BEND6: variants seen among roughly 807,000 people sequenced by gnomAD.
The protein encoded by BEND6 is BEN domain containing 6, also known as BEN domain-containing protein 6.
Under a neutral mutation model 31.8 loss-of-function variants are expected in BEND6, and 24 were observed. The ratio of observed to expected loss-of-function variants is 0.75; its 90% CI spans 0.55 to 1.06. The LOEUF (loss-of-function observed/expected upper bound fraction) is 1.06, where lower values mean the gene tolerates loss of function less well. Ranked by LOEUF, BEND6 falls within the 50% of genes least tolerant of loss-of-function variation. The pLI is 0.00. For missense variants in BEND6, 294 were observed against 327.4 expected (o/e 0.90, Z 0.79); for synonymous variants, 109 against 114.6 (o/e 0.95, Z 0.31).
At chr6:56,997,365 C>G (rs1826759619) in intron 3 of BEND6, among the ~76,000 whole-genome samples, 1 of 152,048 alleles carries the variant, frequency 6.6e-6, no homozygotes, top group African/African-American at 2.4e-5. Context: ...TCCTTTTTGG[C>G]ACTTGCAACT....
At chr6:56,984,388 G>A (rs890612133) in intron 2 of BEND6, among the ~76,000 whole-genome samples, 2 of 152,118 alleles carry the variant, frequency 1.3e-5, no homozygotes, top group Non-Finnish European at 2.9e-5. Flanking sequence ...ATCAGTGTAC[G>A]TGCCCAGCAT....
intron 2 of BEND6, among the ~76,000 whole-genome samples, chr6:56,985,082 T>C (rs1826208123): frequency 6.6e-6 from 1 of 152,212 alleles, no homozygotes; most frequent in Non-Finnish European, 1.5e-5. Flanking sequence ...TCAATAAGTT[T>C]GTGGTCTGCC....
At chr6:57,004,585 G>A in intron 3 of BEND6, 1 of 962,398 alleles carries the variant, frequency 1.0e-6, no homozygotes, top group Non-Finnish European at 1.7e-6. Context: ...AGGACTCAGA[G>A]GCCAACATCA....
intron 1 of BEND6, among the ~76,000 whole-genome samples, chr6:56,973,984 C>T (rs561047085): frequency 2.8e-4 from 43 of 152,302 alleles, no homozygotes; most frequent in Admixed American, 1.1e-3. Flanking sequence ...CACTTCTGGC[C>T]TCAAGTGATC....
chr6:56,969,618 C>T (rs1825618977), intron 1 of BEND6, among the ~76,000 whole-genome samples: 1 of 152,028 alleles, frequency 6.6e-6, no homozygotes, highest in Non-Finnish European at 1.5e-5. Flanking sequence ...CTGTACTTGC[C>T]TTTCAAAATT....
chr6:57,001,976 CAT>C (rs1362956976), intron 3 of BEND6, among the ~76,000 whole-genome samples: 4 of 152,138 alleles, frequency 2.6e-5, no homozygotes, highest in Non-Finnish European at 5.9e-5. Flanking sequence ...AAGTAGACCT[CAT>C]ATGTAATGAC....
At chr6:57,005,369 A>G (rs1171489916) in intron 3 of BEND6, among the ~76,000 whole-genome samples, 4 of 152,134 alleles carry the variant, frequency 2.6e-5, no homozygotes, top group Non-Finnish European at 5.9e-5. Flanking sequence ...AAATTTACAA[A>G]CCTAAATGAA....
chr6:57,005,948 C>T (rs1165256538), intron 3 of BEND6, among the ~76,000 whole-genome samples: 1 of 152,202 alleles, frequency 6.6e-6, no homozygotes, highest in Non-Finnish European at 1.5e-5. Flanking sequence ...AAGTGCCTGG[C>T]TAATGCAAGA....
At chr6:56,989,323 A>G (rs1361551460) in intron 2 of BEND6, among the ~76,000 whole-genome samples, 1 of 152,170 alleles carries the variant, frequency 6.6e-6, no homozygotes, top group Non-Finnish European at 1.5e-5. Context: ...TCAATGCTGT[A>G]TAATATCCCA....
rs181756951 is a variant in BEND6 at position 56,974,757 on chromosome 6, C to A, written c.-100-6954C>A. Among the ~76,000 whole-genome samples the A allele has an allele frequency of 1.6e-3, 250 of 152,212 alleles. 2 individuals are homozygous for A. Among genetic ancestry groups the A allele is most frequent in the Non-Finnish European group, 4.6e-4 (31 of 68,000 alleles). ...AAAAATTATTTATTTCTGCTCCTTTCATATATCTTATTGTTCAGGAAACAG... is the reference window on the plus strand; with the variant it reads ...AAAAATTATTTATTTCTGCTCCTTTAATATATCTTATTGTTCAGGAAACAG... On this transcript the variant is annotated intron_variant, in intron 1 of 6. Transcript: ENST00000370746.
At chr6:56,989,233 T>A (rs991129308) in intron 2 of BEND6, among the ~76,000 whole-genome samples, 5 of 150,932 alleles carry the variant, frequency 3.3e-5, no homozygotes, top group Admixed American at 2.6e-4. Context: ...AAGTATACCA[T>A]ATTGTTTACT....
chr6:56,967,253 A>AT (rs1562535521), intron 1 of BEND6, among the ~76,000 whole-genome samples: 1 of 152,194 alleles, frequency 6.6e-6, no homozygotes, highest in Non-Finnish European at 1.5e-5. Flanking sequence ...CTAAGGGACT[A>AT]TTTAAGAAAG....
Position 56,994,766 on chromosome 6 carries a change from A to G in BEND6, c.298+2211A>G, listed in dbSNP as rs112141497. 5.3e-3 allele frequency among the ~76,000 whole-genome samples: 803 copies of G among 152,256 alleles called. 12 individuals carry two copies. The highest frequency in any genetic ancestry group is 0.018 in the African/African-American group (768 of 41,540). ...TGACACATAATCCATCCCCCAAAAA[A>G]CTGTAGGCTAAATTTCATTATAAAT... On this transcript the variant is annotated intron_variant, in intron 3 of 6. Transcript: ENST00000370746.
At chr6:56,956,282 T>G (rs567329391) in intron 1 of BEND6, among the ~76,000 whole-genome samples, 1 of 152,358 alleles carries the variant, frequency 6.6e-6, no homozygotes, top group South Asian at 2.1e-4. Context: ...TCATAAAAAT[T>G]TATAAAAATT....
At chr6:56,986,286 G>C (rs78875306) in intron 2 of BEND6, among the ~76,000 whole-genome samples, 6,597 of 151,720 alleles carry the variant, frequency 0.043, 477 homozygotes, top group African/African-American at 0.15. Flanking sequence ...TAAAATAAAG[G>C]TGAGGGCCAG....
At position 56,968,924 on chromosome 6, in the gene BEND6, A is replaced by T. The variant is rs1363052570; in HGVS notation, c.-100-12787A>T. ...CCCCGTCTCTAATAAAAATAAAAAA[A>T]ATTAGCCAGCCGTGGTGGCAGGCGC... On this transcript the variant is annotated intron_variant, in intron 1 of 6. Transcript: ENST00000370746. 2.0e-5 allele frequency among the ~76,000 whole-genome samples: 3 copies of T among 152,110 alleles called. No homozygotes were observed. The East Asian group carries it at 5.8e-4, about 30-fold the overall frequency.
At chr6:56,968,403 C>T (rs144102955) in intron 1 of BEND6, among the ~76,000 whole-genome samples, 4 of 144,356 alleles carry the variant, frequency 2.8e-5, no homozygotes, top group Admixed American at 7.1e-5. Context: ...TCACTGCAGC[C>T]TCAAACTCCT....
chr6:56,959,908 G>A (rs1041043936), intron 1 of BEND6, among the ~76,000 whole-genome samples: 1 of 152,082 alleles, frequency 6.6e-6, no homozygotes, highest in East Asian at 1.9e-4. Flanking sequence ...CCACACTGCC[G>A]AAGCCATGAT....
intron 1 of BEND6, among the ~76,000 whole-genome samples, chr6:56,956,911 G>A (rs1363155319): frequency 6.6e-6 from 1 of 152,232 alleles, no homozygotes; most frequent in East Asian, 1.9e-4. Context: ...GCATGGTGGA[G>A]TAATTTTAAA....
Sources: allele counts gnomAD v4.1 joint callset (sites outside exome capture counted in the v4.1 genomes callset), GRCh38; gene constraint gnomAD v4.1.1; transcripts MANE v1.5; gene names NCBI Gene and HGNC (gene_info 2026-07-23, HGNC 2026-07-21).